The following PIK3C2G variants were observed in gnomAD, a reference collection of about 807,000 sequenced individuals.
PIK3C2G encodes phosphatidylinositol-4-phosphate 3-kinase catalytic subunit type 2 gamma.
In PIK3C2G, 168 loss-of-function variants were observed where a neutral mutation model predicts 181.1. The ratio of observed to expected loss-of-function variants is 0.93; its 90% CI spans 0.82 to 1.05. The LOEUF is 1.05. PIK3C2G is among the 50% of genes least tolerant of loss of function. The pLI is 0.00. For synonymous variants in PIK3C2G, 573 were observed against 592.2 expected (o/e 0.97, Z 0.47); for missense variants, 1,869 against 1,732.8 (o/e 1.08, Z -1.40).
chr12:18,692,931 G>A, the PIK3C2G span: 3 of 1,557,220 alleles, frequency 1.9e-6, no homozygotes, highest in Non-Finnish European at 2.7e-6. Context: ...ACTGCCACTG[G>A]TGACACCTCA....
At chr12:18,470,860 A>G (rs1285785447) in intron 18 of PIK3C2G, among the ~76,000 whole-genome samples, 1 of 152,184 alleles carries the variant, frequency 6.6e-6, no homozygotes, top group Non-Finnish European at 1.5e-5. Context: ...AATCAAAATT[A>G]AATATTATAA....
intron 29 of PIK3C2G, among the ~76,000 whole-genome samples, chr12:18,586,178 A>G (rs1946766118): frequency 6.6e-6 from 1 of 152,190 alleles, no homozygotes; most frequent in African/African-American, 2.4e-5. Context: ...AGCTAGCAGA[A>G]GAGTAACCAG....
At chr12:18,669,299 T>G in the PIK3C2G span, among the ~76,000 whole-genome samples, 680 of 152,318 alleles carry the variant, frequency 4.5e-3, 5 homozygotes, top group African/African-American at 0.015. Context: ...ATATTCTCTT[T>G]CCATTATATG....
chr12:18,520,493 A>G (rs1418699322), intron 24 of PIK3C2G, among the ~76,000 whole-genome samples: 1 of 151,614 alleles, frequency 6.6e-6, no homozygotes, highest in Non-Finnish European at 1.5e-5. Flanking sequence ...TCTTTCTTCC[A>G]TTTGGTCAAC....
At chr12:18,395,513 A>G (rs1228589708) in intron 15 of PIK3C2G, among the ~76,000 whole-genome samples, 1 of 149,296 alleles carries the variant, frequency 6.7e-6, no homozygotes, top group East Asian at 1.9e-4. Context: ...ACAAAATAGT[A>G]AAAGAAGTAC....
chr12:18,346,492 T>A, intron 10 of PIK3C2G, 149 bp from the exon 11 acceptor site: 1 of 481,044 alleles, frequency 2.1e-6, no homozygotes, highest in Non-Finnish European at 3.6e-6. Context: ...CATTCAGAGG[T>A]ACAGATAGTT....
Position 18,411,297 on chromosome 12 carries a change from C to T in PIK3C2G, c.2316-9644C>T, listed in dbSNP as rs115272773. ...CCTAATGGCCTAGTGTTTTGGATAT[C>T]TGGATGATAGTTTCAGTGACACAAA... On this transcript the variant is annotated intron_variant, in intron 16 of 32. Transcript: ENST00000538779. Among the ~76,000 whole-genome samples the T allele has an allele frequency of 9.3e-3, 1,413 of 152,196 alleles. 14 individuals carry two copies. The highest frequency in any genetic ancestry group is 0.027 in the African/African-American group (1,116 of 41,532).
At chr12:18,588,962 G>A (rs1179945707) in intron 29 of PIK3C2G, among the ~76,000 whole-genome samples, 1 of 151,998 alleles carries the variant, frequency 6.6e-6, no homozygotes, top group Non-Finnish European at 1.5e-5. Context: ...GGAGCTGGAG[G>A]CCACTATTCT....
intron 13 of PIK3C2G, among the ~76,000 whole-genome samples, chr12:18,379,764 C>A (rs562207414): frequency 6.6e-6 from 1 of 152,300 alleles, no homozygotes; most frequent in East Asian, 1.9e-4. Flanking sequence ...GTGACTCAGG[C>A]TCTCACAGGC....
At chr12:18,534,677 C>T (rs184118803) in intron 24 of PIK3C2G, among the ~76,000 whole-genome samples, 2 of 89,592 alleles carry the variant, frequency 2.2e-5, no homozygotes, top group African/African-American at 4.4e-5. Flanking sequence ...GAAAATCATA[C>T]GGGTCATTTG....
chr12:18,442,658 A>C (rs1274145233), intron 18 of PIK3C2G, among the ~76,000 whole-genome samples: 1 of 152,130 alleles, frequency 6.6e-6, no homozygotes, highest in Admixed American at 6.6e-5. Flanking sequence ...CTAAAACAGG[A>C]CTCATTGTAA....
the PIK3C2G span, among the ~76,000 whole-genome samples, chr12:18,706,010 T>C: frequency 6.6e-6 from 1 of 152,042 alleles, no homozygotes; most frequent in East Asian, 1.9e-4. Context: ...GTGGATCACC[T>C]GGGGTCAGGA....
the PIK3C2G span, among the ~76,000 whole-genome samples, chr12:18,656,483 TG>T: frequency 4.6e-5 from 7 of 152,106 alleles, no homozygotes; most frequent in Non-Finnish European, 1.0e-4. Context: ...GAGAATTGCT[TG>T]AACCCAGGAG....
upstream of PIK3C2G, among the ~76,000 whole-genome samples, chr12:18,245,971 T>G (rs781388074): frequency 2.2e-4 from 34 of 152,144 alleles, no homozygotes; most frequent in Non-Finnish European, 4.0e-4. Flanking sequence ...CTTTCATGAT[T>G]TTAAAATTTT....
At chr12:18,430,924 A>C (rs917716766) in intron 18 of PIK3C2G, among the ~76,000 whole-genome samples, 1 of 152,164 alleles carries the variant, frequency 6.6e-6, no homozygotes, top group African/African-American at 2.4e-5. Flanking sequence ...CATAAAACTG[A>C]GATGATCCAA....
At chr12:18,332,905 T>A (rs1565607286) in intron 8 of PIK3C2G, among the ~76,000 whole-genome samples, 1 of 152,088 alleles carries the variant, frequency 6.6e-6, no homozygotes, top group Non-Finnish European at 1.5e-5. Flanking sequence ...GCCTTCAGTA[T>A]TTTCCCCGAA....
the PIK3C2G span, chr12:18,719,576 C>A: frequency 1.2e-6 from 2 of 1,605,916 alleles, no homozygotes. Flanking sequence ...AGTAGACATT[C>A]ACGTGAATCC....
At chr12:18,677,781 T>G in the PIK3C2G span, among the ~76,000 whole-genome samples, 1 of 152,078 alleles carries the variant, frequency 6.6e-6, no homozygotes. Context: ...ATTATTTGTG[T>G]TTTCTAAACA....
chr12:18,276,710 A>G (rs1275082976), intron 1 of PIK3C2G, among the ~76,000 whole-genome samples: 1 of 152,194 alleles, frequency 6.6e-6, no homozygotes, highest in African/African-American at 2.4e-5. Context: ...GCTGTATTTT[A>G]TAGTTTTTGT....
Sources: gnomAD v4.1 joint callset for allele counts (sites outside exome capture counted in the v4.1 genomes callset) on GRCh38, gnomAD v4.1.1 for gene constraint, MANE v1.5 for transcripts, NCBI Gene and HGNC (gene_info 2026-07-23, HGNC 2026-07-21) for gene names.